The following PTPN4 variants were observed in gnomAD, a reference collection of about 807,000 sequenced individuals.
PTPN4 encodes the protein tyrosine-protein phosphatase non-receptor type 4.
PTPN4 carries 49 observed loss-of-function variants against 135.5 expected under a neutral mutation model. The ratio of observed to expected loss-of-function variants is 0.36; its 90% confidence interval spans 0.29 to 0.46. The LOEUF is 0.46. PTPN4 is among the 20% of genes least tolerant of loss of function. The pLI is 1.00. For synonymous variants in PTPN4, 333 were observed against 369.9 expected (o/e 0.90, Z 1.14); for missense variants, 860 against 1,101.0 (o/e 0.78, Z 3.10).
intron 1 of PTPN4, among the ~76,000 whole-genome samples, chr2:119,805,374 G>C (rs1691449551): frequency 6.6e-6 from 1 of 152,138 alleles, no homozygotes; most frequent in African/African-American, 2.4e-5. Flanking sequence ...CCATGCCTAT[G>C]TCCTGAATGG....
chr2:119,879,695 T>A (rs1319489353), intron 5 of PTPN4, among the ~76,000 whole-genome samples: 1 of 152,212 alleles, frequency 6.6e-6, no homozygotes, highest in Non-Finnish European at 1.5e-5. Context: ...GTAGCCTTAA[T>A]GTGATGGTTA....
intron 2 of PTPN4, among the ~76,000 whole-genome samples, chr2:119,844,283 ACCCCCCCACC>A (rs1677437496): frequency 1.1e-5 from 1 of 91,814 alleles, no homozygotes; most frequent in Non-Finnish European, 2.2e-5. Flanking sequence ...CGGAGGGCTC[ACCCCCCCACC>A]TCCCTCCCGG....
chr2:119,840,820 T>C (rs1022528602), intron 2 of PTPN4, among the ~76,000 whole-genome samples: 2 of 152,260 alleles, frequency 1.3e-5, no homozygotes, highest in African/African-American at 4.8e-5. Flanking sequence ...GGTTTTGATT[T>C]GCATTTTTCT....
At chr2:119,770,049 C>T (rs1051301834) in intron 1 of PTPN4, among the ~76,000 whole-genome samples, 5 of 152,128 alleles carry the variant, frequency 3.3e-5, no homozygotes, top group African/African-American at 1.2e-4. Flanking sequence ...AAATTACGTC[C>T]AAAATTGGAG....
chr2:119,809,857 A>G lies in PTPN4; in HGVS notation c.4A>G (p.Thr2Ala). ...CTTAGACTTTGTGTGGACAGTAATGACCTCACGTTTCCGATTGCCTGCTGG... is the reference window on the plus strand; with the variant it reads ...CTTAGACTTTGTGTGGACAGTAATGGCCTCACGTTTCCGATTGCCTGCTGG... M[T>A]SRFRLPAGRT... Residue 2 changes from threonine to alanine, a missense_variant, in exon 2 of 27, where the codon ACC becomes GCC. By Grantham distance (58) the Thr-to-Ala change is moderately conservative. Around this residue, in one of 2 missense-constraint regions of PTPN4, gnomAD observed 684 missense variants for 807.0 expected, o/e 0.85. Coordinates refer to ENST00000263708, the MANE Select transcript of PTPN4 (RefSeq NM_002830.4). 1.9e-6 allele frequency: 3 copies of G among 1,608,504 alleles called. No homozygotes were observed. The highest frequency in any genetic ancestry group is 2.5e-6 in the Non-Finnish European group (3 of 1,178,496).
intron 1 of PTPN4, among the ~76,000 whole-genome samples, chr2:119,763,730 G>A (rs775191560): frequency 5.8e-4 from 89 of 152,164 alleles, no homozygotes; most frequent in Non-Finnish European, 1.0e-3. Context: ...CATTAATCAT[G>A]TGTGGCTATG....
rs563216717 is a variant in PTPN4, at chr2:119,902,362, TCACA to T, written c.764+1563_764+1566del. ...AGAAGTGAACGAGAAATAAAGACTT[TCACA>T]CACACAAACAAAAATTGATTGAATT... On this transcript the variant is annotated intron_variant, in intron 10 of 26. Coordinates refer to ENST00000263708, the MANE Select transcript of PTPN4 (RefSeq NM_002830.4). 2.9e-4 allele frequency among the ~76,000 whole-genome samples: 44 copies of T among 152,308 alleles called. No individual in the cohort carries two copies. In the East Asian group the frequency reaches 8.3e-3, roughly 29 times the overall value.
chr2:119,950,700 A>G (rs899878940), intron 18 of PTPN4, among the ~76,000 whole-genome samples: 2 of 152,156 alleles, frequency 1.3e-5, no homozygotes, highest in African/African-American at 4.8e-5. Flanking sequence ...CTGGCCTATC[A>G]TTCCTCAAAA....
At chr2:119,854,447 T>C (rs752455675) in intron 2 of PTPN4, among the ~76,000 whole-genome samples, 82 of 152,072 alleles carry the variant, frequency 5.4e-4, no homozygotes, top group Non-Finnish European at 1.1e-3. Context: ...CCCGTAATAT[T>C]CCCCCCTGAG....
At chr2:119,771,052 T>G (rs1247564272) in intron 1 of PTPN4, among the ~76,000 whole-genome samples, 1 of 152,128 alleles carries the variant, frequency 6.6e-6, no homozygotes, top group Non-Finnish European at 1.5e-5. Context: ...GCTTCTGCTT[T>G]TACTCAGTAG....
rs1679719626 is a variant in PTPN4 at position 119,983,168 on chromosome 2, G to T, written c.*6098G>T. On this transcript the variant is annotated 3_prime_UTR_variant, in exon 27 of 27. Coordinates refer to ENST00000263708, the MANE Select transcript of PTPN4 (RefSeq NM_002830.4). ...TAACTGTTGAAAGGATTGGTGTCAG[G>T]CTCTCTCAACCCTGGGAGTTTCCAA... 6.6e-6 allele frequency: 1 copy of T among 152,058 alleles called. No individual in the cohort carries two copies. Among genetic ancestry groups the T allele is most frequent in the Non-Finnish European group, 1.5e-5 (1 of 68,018 alleles). The allele number at this position is 152,058 out of a possible 1,614,324, so 9.4% of individuals were successfully genotyped here. A position where few individuals can be genotyped will look rare whatever the true frequency, so the allele number is the denominator to read the frequency against.
chr2:119,920,006 T>G, intron 11 of PTPN4, 63 bp from the exon 12 acceptor site: 1 of 1,525,254 alleles, frequency 6.6e-7, no homozygotes, highest in East Asian at 2.3e-5. Context: ...CAAAAGTAAA[T>G]TAAATGGAGC....
At chr2:119,902,900 C>T (rs1678427434) in intron 10 of PTPN4, among the ~76,000 whole-genome samples, 1 of 152,162 alleles carries the variant, frequency 6.6e-6, no homozygotes, top group Non-Finnish European at 1.5e-5. Context: ...TCCCTCTACA[C>T]ACCCCCTAAG....
At chr2:119,769,733 G>A (rs1199669987) in intron 1 of PTPN4, among the ~76,000 whole-genome samples, 1 of 152,178 alleles carries the variant, frequency 6.6e-6, no homozygotes, top group East Asian at 1.9e-4. Context: ...ATTAAGAGAA[G>A]GAAACTGTAA....
At chr2:119,817,370 G>A (rs1028852638) in intron 2 of PTPN4, among the ~76,000 whole-genome samples, 8 of 147,492 alleles carry the variant, frequency 5.4e-5, no homozygotes, top group Admixed American at 4.1e-4. Flanking sequence ...TGGGATATAT[G>A]TGCCCAACTT....
At chr2:119,808,532 G>C (rs542942711) in intron 1 of PTPN4, among the ~76,000 whole-genome samples, 51 of 152,104 alleles carry the variant, frequency 3.4e-4, no homozygotes, top group Non-Finnish European at 6.3e-4. Flanking sequence ...TGAAGGACCT[G>C]TTCAAGGAGA....
Position 119,915,230 on chromosome 2 carries a change from T to G in PTPN4, c.816T>G (p.Leu272=). The change falls in exon 11 of 27, where the codon CTT becomes CTG. Residue 272 remains leucine (L), a synonymous_variant. Coordinates refer to ENST00000263708, the MANE Select transcript of PTPN4 (RefSeq NM_002830.4). ...AGTGCAAACAGTTTTTTATTCAACT[T>G]AGAAAAGAATTGGTGAGTACGGATT... ...SFKCKQFFIQ[L]RKELHESRET... 3.2e-6 allele frequency: 5 copies of G among 1,540,884 alleles called. No individual in the cohort carries two copies. Among genetic ancestry groups the G allele is most frequent in the Non-Finnish European group, 4.4e-6 (5 of 1,145,722 alleles).
At chr2:119,947,451 A>G (rs1024821322) in intron 18 of PTPN4, among the ~76,000 whole-genome samples, 3 of 152,158 alleles carry the variant, frequency 2.0e-5, no homozygotes, top group African/African-American at 4.8e-5. Flanking sequence ...CAGGGTACTC[A>G]TGGAATACCC....
intron 12 of PTPN4, among the ~76,000 whole-genome samples, chr2:119,925,569 A>G (rs951892236): frequency 6.6e-6 from 1 of 152,218 alleles, no homozygotes; most frequent in Admixed American, 6.5e-5. Context: ...GTGGTTAGAC[A>G]TCTTGTAAAT....
Sources: gnomAD v4.1 joint callset for allele counts (sites outside exome capture counted in the v4.1 genomes callset) on GRCh38, gnomAD v4.1.1 for gene constraint, gnomAD v4.1.1 regional missense constraint, MANE v1.5 for transcripts, NCBI Gene and HGNC (gene_info 2026-07-23, HGNC 2026-07-21) for gene names.